Variants in TNIP1 observed in about 807,000 individuals in gnomAD.
TNIP1 encodes the protein TNFAIP3-interacting protein 1.
A neutral mutation model predicts 86.6 loss-of-function variants in TNIP1; 22 were observed. The observed-to-expected ratio is 0.25, with a 90% confidence interval of 0.18 to 0.36. The LOEUF (loss-of-function observed/expected upper bound fraction) is 0.36. Among genes scored for constraint, TNIP1 ranks in the 10% least tolerant of loss-of-function variants. The probability of loss-of-function intolerance (pLI) is 1.00; values close to 1 mark genes in which losing one functional copy is unlikely to be tolerated. For synonymous variants in TNIP1, 294 were observed against 313.0 expected, an observed-to-expected ratio of 0.94 and a Z score of 0.64; for missense variants, 709 against 820.6, an observed-to-expected ratio of 0.86 and a Z score of 1.66.
chr5:151,036,765 C>T (rs1367946343), intron 13 of TNIP1, 25 bp downstream of exon 13: 1 of 1,613,856 alleles, frequency 6.2e-7, no homozygotes, highest in East Asian at 2.2e-5. Context: ...GCACCTCCCA[C>T]CTGATTTCCT....
chr5:151,045,873 C>A lies in TNIP1; in HGVS notation c.924G>T (p.Gln308His), dbSNP rs1262981005. ...AAEKKVKMLEQQRSELLEVNK... is the reference protein window; with the variant it reads ...AAEKKVKMLEHQRSELLEVNK... ...CTCGGCCACCTACCTCACTGCGCTG[C>A]TGCTCCAGCATCTTCACCTTCTTCT... Residue 308 changes from glutamine (Q) to histidine (H), a missense_variant, in exon 9 of 18, where the codon CAG becomes CAT. Transcript: ENST00000521591. The A allele has an allele frequency of 6.2e-7, 1 of 1,614,078 alleles. No homozygotes were observed. Among genetic ancestry groups the A allele is most frequent in the South Asian group, 1.1e-5 (1 of 91,076 alleles).
At chr5:151,048,973 C>T (rs545269204) in intron 8 of TNIP1, among the ~76,000 whole-genome samples, 16 of 152,282 alleles carry the variant, frequency 1.1e-4, no homozygotes, top group African/African-American at 3.9e-4. Context: ...GAATGGAATA[C>T]TAGTCCCAGC....
rs1756729398 is a variant in TNIP1 at position 151,030,242 on chromosome 5, T to G, written c.*471A>C. ...GAGACAAACCCACACTTCCCACAGCTCCTCACAGAGGGGTAGGGGTGTGCG... is the reference window on the plus strand; with the variant it reads ...GAGACAAACCCACACTTCCCACAGCGCCTCACAGAGGGGTAGGGGTGTGCG... On this transcript the variant is annotated 3_prime_UTR_variant, in exon 18 of 18. Transcript: ENST00000521591. The G allele has an allele frequency of 2.3e-6, 1 of 436,882 alleles. No homozygotes were observed. Among genetic ancestry groups the G allele is most frequent in the African/African-American group, 2.0e-5 (1 of 49,812 alleles). 27.1% of individuals were successfully genotyped at this position (436,882 alleles called of 1,614,324 possible). A position where few individuals can be genotyped will look rare whatever the true frequency, so the allele number is the denominator to read the frequency against.
rs970851211 is a variant in TNIP1, at chr5:151,046,008, G to A, written c.847-58C>T. The A allele has an allele frequency of 4.5e-6, 7 of 1,548,746 alleles. No homozygotes were observed. In the African/African-American group the frequency reaches 9.5e-5, roughly 21 times the overall value. On this transcript the variant is annotated intron_variant, in intron 8 of 17. Transcript: ENST00000521591. ...ACCTCAATACAAATTATCTCACCCA[G>A]TCTCGGTGCTCCTCTAAGACCCCTC... is the stretch of plus-strand genomic sequence containing the variant.
chr5:151,049,922 ACTT>A lies in TNIP1; in HGVS notation c.745_747del (p.Lys249del). ...TCTTTGTTGCCATTGCTCATCAACA[ACTT>A]CTTGAGCTCCAAATTTTCCTCCCTG... On this transcript the variant is annotated inframe_deletion, in exon 8 of 18. Transcript: ENST00000521591. The A allele has an allele frequency of 6.2e-7, 1 of 1,614,062 alleles. No individual in the cohort carries two copies.
chr5:151,065,256 A>G, intron 1 of TNIP1, 125 bp from the exon 2 acceptor site: 1 of 760,354 alleles, frequency 1.3e-6, no homozygotes, highest in Non-Finnish European at 2.1e-6. Context: ...TGACCATATT[A>G]TAGTAAAGCA....
At chr5:151,041,119 G>A (rs1758364834) in intron 11 of TNIP1, among the ~76,000 whole-genome samples, 1 of 148,442 alleles carries the variant, frequency 6.7e-6, no homozygotes, top group African/African-American at 2.5e-5. Flanking sequence ...TGCCCAAGCT[G>A]GAGTGTAGTG....
At chr5:151,035,180 C>T in intron 14 of TNIP1, 113 bp from the exon 15 acceptor site, 11 of 1,259,126 alleles carry the variant, frequency 8.7e-6, no homozygotes, top group South Asian at 1.3e-5. Context: ...TCCCTCTGGG[C>T]CACCATGCGT....
chr5:151,032,270 C>T lies in TNIP1; in HGVS notation c.1876+17G>A, dbSNP rs1180354541. 2 of 1,597,650 alleles carry T rather than the reference C, an allele frequency of 1.3e-6. No homozygotes were observed. The highest frequency in any genetic ancestry group is 1.7e-6 in the Non-Finnish European group (2 of 1,168,512). On this transcript the variant is annotated intron_variant, in intron 17 of 17. Transcript: ENST00000521591. ...ATCTCCCCCAGGGAGGACCAAGACT[C>T]AGTATTAGGGGCTCACCTGGTTCTG... is the stretch of plus-strand genomic sequence containing the variant.
chr5:151,052,171 C>T lies in TNIP1; in HGVS notation c.716G>A (p.Arg239Lys), dbSNP rs888856341. Reference protein sequence around the residue: ...GLEQRDQAAERLREENLELKK... With the variant: ...GLEQRDQAAEKLREENLELKK... ...CTGAGGGGCCTGAACTTACCGCAGCCTCTCGGCAGCCTGATCCCGCTGTTC... is the reference window on the plus strand; with the variant it reads ...CTGAGGGGCCTGAACTTACCGCAGCTTCTCGGCAGCCTGATCCCGCTGTTC... Residue 239 changes from arginine (R) to lysine (K), a missense_variant, in exon 7 of 18, where the codon AGG (arginine) becomes AAG (lysine). By Grantham distance (26) the Arg-to-Lys change is conservative. Coordinates refer to ENST00000521591, the MANE Select transcript of TNIP1 (RefSeq NM_006058.5). The T allele has an allele frequency of 6.2e-7, 1 of 1,614,014 alleles. No individual in the cohort carries two copies. The highest frequency in any genetic ancestry group is 8.5e-7 in the Non-Finnish European group (1 of 1,179,956).
intron 8 of TNIP1, among the ~76,000 whole-genome samples, chr5:151,048,167 G>C (rs1759423293): frequency 6.6e-6 from 1 of 152,182 alleles, no homozygotes; most frequent in Non-Finnish European, 1.5e-5. Flanking sequence ...TAGCAAAAAG[G>C]TCAACAAGTT....
rs118086780 is a variant in TNIP1 at position 151,062,920 on chromosome 5, T to C, written c.271+693A>G. 4.6e-5 allele frequency among the ~76,000 whole-genome samples: 7 copies of C among 152,310 alleles called. No homozygotes were observed. In the East Asian group the frequency reaches 1.3e-3, roughly 29 times the overall value. The stretch of plus-strand genomic sequence containing the variant: ...TTGGCCTGGGCCAGATACCATACAG[T>C]AGAGCTGCAGCAGGAGGCATCTGAG... On this transcript the variant is annotated intron_variant, in intron 3 of 17. Transcript: ENST00000521591.
intron 2 of TNIP1, among the ~76,000 whole-genome samples, chr5:151,064,051 A>G (rs1421130223): frequency 6.6e-6 from 1 of 152,016 alleles, no homozygotes; most frequent in Non-Finnish European, 1.5e-5. Flanking sequence ...CTTCACACCC[A>G]GCCAGGGCAC....
upstream of TNIP1, among the ~76,000 whole-genome samples, chr5:151,082,398 TACAGAGAA>T (rs1170762073): frequency 1.3e-5 from 2 of 152,190 alleles, no homozygotes; most frequent in Non-Finnish European, 2.9e-5. Context: ...TGGGGGATCC[TACAGAGAA>T]ACTGGGAATC....
upstream of TNIP1, among the ~76,000 whole-genome samples, chr5:151,085,078 TCA>T (rs907083882): frequency 2.6e-5 from 4 of 152,306 alleles, no homozygotes; most frequent in African/African-American, 9.6e-5. Flanking sequence ...TCAGAGGTTT[TCA>T]CAGTCATTCA....
chr5:151,049,817 C>T lies in TNIP1; in HGVS notation c.846+7G>A. 1 of 1,614,094 alleles carries T rather than the reference C, an allele frequency of 6.2e-7. No individual in the cohort carries two copies. Among genetic ancestry groups the T allele is most frequent in the Non-Finnish European group, 8.5e-7 (1 of 1,179,992 alleles). ...GGATGCTACAGAAGGAATTTCTGAC[C>T]ACATACCTGCTGCTGTCCAGCCACT... On this transcript the variant is annotated splice_region_variant and intron_variant, in intron 8 of 17. Coordinates refer to ENST00000521591, the MANE Select transcript of TNIP1 (RefSeq NM_006058.5).
At chr5:151,059,028 A>G (rs1761045377) in intron 5 of TNIP1, among the ~76,000 whole-genome samples, 1 of 152,164 alleles carries the variant, frequency 6.6e-6, no homozygotes, top group African/African-American at 2.4e-5. Flanking sequence ...CTCTTTCCAC[A>G]AAGGAGCTGA....
At chr5:151,030,894 G>A (rs1756800581) in intron 17 of TNIP1, 147 bp from the exon 18 acceptor site, 3 of 620,456 alleles carry the variant, frequency 4.8e-6, no homozygotes, top group African/African-American at 1.9e-5. Context: ...CCTTAAGTAC[G>A]CTGGTCATGT....
intron 1 of TNIP1, among the ~76,000 whole-genome samples, chr5:151,069,011 C>T (rs1444535097): frequency 6.6e-6 from 1 of 152,212 alleles, no homozygotes; most frequent in African/African-American, 2.4e-5. Context: ...TGGGGCTGCC[C>T]GCTGGAACCA....
Sources: gnomAD v4.1 joint callset for allele counts (sites outside exome capture counted in the v4.1 genomes callset) on GRCh38, gnomAD v4.1.1 for gene constraint, MANE v1.5 for transcripts, NCBI Gene and HGNC (gene_info 2026-07-23, HGNC 2026-07-21) for gene names.